The following MMUT variants were observed in gnomAD, a reference collection of about 807,000 sequenced individuals.
The protein encoded by MMUT is methylmalonyl-CoA mutase, mitochondrial.
Under a neutral mutation model 79.9 loss-of-function variants are expected in MMUT, and 79 were observed. The observed-to-expected ratio is 0.99, with a 90% CI of 0.82 to 1.19. The LOEUF (loss-of-function observed/expected upper bound fraction) is 1.19, where lower values mean the gene tolerates loss of function less well. Ranked by LOEUF, MMUT falls within the 50% of genes most tolerant of loss-of-function variation. The pLI is 0.00. For missense variants in MMUT, 860 were observed against 917.2 expected, an observed-to-expected ratio of 0.94 and a Z score of 0.81; for synonymous variants, 273 against 295.7, an observed-to-expected ratio of 0.92 and a Z score of 0.79.
At position 49,451,693 on chromosome 6, in the gene MMUT, G is replaced by A. The variant is rs772552898; in HGVS notation, c.1105C>T (p.Arg369Cys). ...GCTGCCATTGCTTCTATTGCAGTAC[G>A]GACAATATTATTGTAGGGATCCTAA... ...TEQDPYNNIV[R>C]TAIEAMAAVF... Residue 369 changes from arginine to cysteine, a missense_variant, in exon 6 of 13, where the codon CGT becomes TGT. Arg to Cys is a radical substitution (Grantham distance 180). Transcript: ENST00000274813. 3.3e-5 allele frequency: 53 copies of A among 1,613,496 alleles called. No individual in the cohort carries two copies. The highest frequency in any genetic ancestry group is 8.0e-5 in the African/African-American group (6 of 74,866).
At chr6:49,448,244 ACCTC>A (rs1448811522) in intron 7 of MMUT, among the ~76,000 whole-genome samples, 1 of 152,060 alleles carries the variant, frequency 6.6e-6, no homozygotes, top group Non-Finnish European at 1.5e-5. Context: ...AATATATTTT[ACCTC>A]AAACTACCAG....
intron 4 of MMUT, among the ~76,000 whole-genome samples, chr6:49,454,469 A>G (rs1434284991): frequency 1.3e-5 from 2 of 152,216 alleles, no homozygotes; most frequent in African/African-American, 2.4e-5. Context: ...CACCATGCCC[A>G]GCTAATTTTT....
chr6:49,434,226 G>A (rs986113909), intron 12 of MMUT, among the ~76,000 whole-genome samples: 8 of 152,102 alleles, frequency 5.3e-5, no homozygotes, highest in Non-Finnish European at 1.2e-4. Context: ...CTCAAATAAT[G>A]ACCTATTTTA....
intron 9 of MMUT, among the ~76,000 whole-genome samples, chr6:49,443,333 C>A (rs1051661412): frequency 6.6e-6 from 1 of 152,106 alleles, no homozygotes; most frequent in Non-Finnish European, 1.5e-5. Flanking sequence ...ACAAAAGATT[C>A]CGAATCCCTA....
At position 49,435,632 on chromosome 6, in the gene MMUT, T is replaced by A. The variant is rs550694604; in HGVS notation, c.1957-9A>T. Reference sequence around the variant, plus strand: ...GCCACTTCACGAGGAGTCTAAACAGTCAGAAAGTAAAGATAAATCATTGTT... The same window carrying A: ...GCCACTTCACGAGGAGTCTAAACAGACAGAAAGTAAAGATAAATCATTGTT... On this transcript the variant is annotated splice_polypyrimidine_tract_variant and intron_variant, in intron 11 of 12. Coordinates refer to ENST00000274813, the MANE Select transcript of MMUT (RefSeq NM_000255.4). 3.7e-6 allele frequency: 6 copies of A among 1,611,910 alleles called. No individual in the cohort carries two copies. In the African/African-American group the frequency reaches 6.7e-5, roughly 18 times the overall value.
At position 49,435,439 on chromosome 6, in the gene MMUT, A is replaced by C. The variant is rs746361551; in HGVS notation, c.2124+17T>G. ...AGATTCCCATCACAGTACTAGAAAAATAGAGATAAAAAATACCTGAGGTGG... is the reference window on the plus strand; with the variant it reads ...AGATTCCCATCACAGTACTAGAAAACTAGAGATAAAAAATACCTGAGGTGG... On this transcript the variant is annotated intron_variant, in intron 12 of 12. Coordinates refer to ENST00000274813, the MANE Select transcript of MMUT (RefSeq NM_000255.4). 6.2e-7 allele frequency: 1 copy of C among 1,606,618 alleles called. No homozygotes were observed. The highest frequency in any genetic ancestry group is 8.5e-7 in the Non-Finnish European group (1 of 1,173,194).
At chr6:49,435,172 A>C (rs907270801) in intron 12 of MMUT, among the ~76,000 whole-genome samples, 2 of 152,210 alleles carry the variant, frequency 1.3e-5, no homozygotes, top group Admixed American at 1.3e-4. Flanking sequence ...ATAACTGTTT[A>C]TTGAGAATGA....
chr6:49,458,767 G>T (rs1259715677), intron 2 of MMUT, among the ~76,000 whole-genome samples: 1 of 152,030 alleles, frequency 6.6e-6, no homozygotes, highest in African/African-American at 2.4e-5. Flanking sequence ...CTCTCCAATC[G>T]CTATCCCAAC....
At chr6:49,456,267 A>G (rs959049099) in intron 3 of MMUT, 30 bp from the exon 4 acceptor site, 6 of 1,448,038 alleles carry the variant, frequency 4.1e-6, no homozygotes, top group Non-Finnish European at 4.8e-6. Context: ...GTAACAGTGA[A>G]TAAGTAAAAA....
At position 49,450,698 on chromosome 6, in the gene MMUT, C is replaced by G. The variant is rs180839399; in HGVS notation, c.1332+768G>C. On this transcript the variant is annotated intron_variant, in intron 6 of 12. Transcript: ENST00000274813. Reference sequence around the variant, plus strand: ...AAAATAGAATAAAGACATTCCCAAACAGGAAAAGTTTCAAATAATTTATCT... The same window carrying G: ...AAAATAGAATAAAGACATTCCCAAAGAGGAAAAGTTTCAAATAATTTATCT... Among the ~76,000 whole-genome samples the G allele has an allele frequency of 2.7e-3, 408 of 152,234 alleles. 3 individuals are homozygous for G. Among genetic ancestry groups the G allele is most frequent in the African/African-American group, 9.5e-3 (394 of 41,544 alleles).
intron 2 of MMUT, 76 bp downstream of exon 2, chr6:49,459,006 G>T: frequency 7.1e-7 from 1 of 1,416,094 alleles, no homozygotes; most frequent in Non-Finnish European, 9.8e-7. Flanking sequence ...TCTTTACAGA[G>T]ATTAACCCCC....
rs1223169999 is a variant in MMUT, at chr6:49,457,933, T to C, written c.511A>G (p.Lys171Glu). 1 of 1,613,348 alleles carries C rather than the reference T, an allele frequency of 6.2e-7. No homozygotes were observed. The highest frequency in any genetic ancestry group is 1.7e-5 in the Admixed American group (1 of 60,010). Residue 171 changes from lysine to glutamate, a missense_variant, in exon 3 of 13, where the codon AAA (lysine) becomes GAA (glutamate). Coordinates refer to ENST00000274813, the MANE Select transcript of MMUT (RefSeq NM_000255.4). ...GVAIDTVEDT[K>E]ILFDGIPLEK... ...AAAGGAATTCCATCAAAAAGAATTT[T>C]GGTATCTTCCACAGTGTCAATAGCA...
intron 1 of MMUT, among the ~76,000 whole-genome samples, chr6:49,460,545 G>A (rs978073369): frequency 3.3e-5 from 5 of 152,168 alleles, no homozygotes; most frequent in Non-Finnish European, 5.9e-5. Flanking sequence ...TCCAGATGTA[G>A]AAACTGAGGC....
rs769922244 is a variant in MMUT at position 49,451,522 on chromosome 6, C to T, written c.1276G>A (p.Gly426Arg). 1.9e-5 allele frequency: 30 copies of T among 1,613,920 alleles called. No homozygotes were observed. Among genetic ancestry groups the T allele is most frequent in the Non-Finnish European group, 2.5e-5 (29 of 1,180,002 alleles). ...SGIPKVADPW[G>R]GSYMMECLTN... ...AGACATTCCATCATGTAAGAACCTC[C>T]CCAAGGATCAGCCACTTTGGGAATC... The change falls in exon 6 of 13, where the codon GGA (glycine) becomes AGA (arginine). Residue 426 changes from glycine (G) to arginine (R), a missense_variant. Transcript: ENST00000274813.
chr6:49,456,679 T>A lies in MMUT; in HGVS notation c.754-442A>T, dbSNP rs539808934. ...TATTATTATTTACTAGTTATTAATT[T>A]TCTAGTTTGAATGAAGGCATCAAAC... On this transcript the variant is annotated intron_variant, in intron 3 of 12. Coordinates refer to ENST00000274813, the MANE Select transcript of MMUT (RefSeq NM_000255.4). Among the ~76,000 whole-genome samples, 31 of 152,302 alleles carry A rather than the reference T, an allele frequency of 2.0e-4. 1 individual carries two copies. The South Asian group carries it at 6.2e-3, about 31-fold the overall frequency.
intron 1 of MMUT, among the ~76,000 whole-genome samples, chr6:49,459,767 T>C (rs570667572): frequency 2.8e-4 from 43 of 152,298 alleles, no homozygotes; most frequent in African/African-American, 9.4e-4. Context: ...CTCCATTCTA[T>C]ACGAATCCCT....
intron 8 of MMUT, among the ~76,000 whole-genome samples, chr6:49,445,990 T>C (rs1767402645): frequency 6.6e-6 from 1 of 152,006 alleles, no homozygotes; most frequent in South Asian, 2.1e-4. Flanking sequence ...ATTGTAGATA[T>C]TGGATCACTG....
At chr6:49,438,921 T>A (rs777348895) in intron 11 of MMUT, among the ~76,000 whole-genome samples, 13 of 152,306 alleles carry the variant, frequency 8.5e-5, no homozygotes, top group Middle Eastern at 3.4e-3. Context: ...GAACTCGGAC[T>A]GGCTCTCCTT....
chr6:49,456,336 TA>T (rs1313557365), intron 3 of MMUT, 99 bp from the exon 4 acceptor site: 1 of 842,602 alleles, frequency 1.2e-6, no homozygotes, highest in Non-Finnish European at 1.9e-6. Context: ...AAAATGATGT[TA>T]AATTCAAATA....
Sources: gnomAD v4.1 joint callset for allele counts (sites outside exome capture counted in the v4.1 genomes callset) on GRCh38, gnomAD v4.1.1 for gene constraint, MANE v1.5 for transcripts, NCBI Gene and HGNC (gene_info 2026-07-23, HGNC 2026-07-21) for gene names.